The following AGAP1 variants were observed in gnomAD, a reference collection of about 807,000 sequenced individuals.
AGAP1 encodes arf-GAP with GTPase, ANK repeat and PH domain-containing protein 1.
Under a neutral mutation model 105.3 loss-of-function variants are expected in AGAP1, and 29 were observed. The observed-to-expected ratio is 0.28, with a 90% CI of 0.21 to 0.38. The LOEUF is 0.38. Among genes scored for constraint, AGAP1 ranks in the 10% least tolerant of loss-of-function variants. The pLI, the probability that AGAP1 is intolerant of heterozygous loss-of-function variation, is 1.00. For synonymous variants in AGAP1, 509 were observed against 485.9 expected, an observed-to-expected ratio of 1.05 and a Z score of -0.63; for missense variants, 998 against 1,165.1, an observed-to-expected ratio of 0.86 and a Z score of 2.09.
intron 13 of AGAP1, among the ~76,000 whole-genome samples, chr2:236,021,998 G>A (rs950051048): frequency 1.3e-5 from 2 of 149,228 alleles, no homozygotes; most frequent in Admixed American, 6.8e-5. Flanking sequence ...GGTGGAGGTT[G>A]CAGTGAGCCG....
intron 16 of AGAP1, among the ~76,000 whole-genome samples, chr2:236,052,318 C>A (rs1576177751): frequency 6.6e-6 from 1 of 152,126 alleles, no homozygotes; most frequent in East Asian, 1.9e-4. Context: ...CCTGCCCCCA[C>A]CCCCAAACAC....
rs546089177 is a variant in AGAP1, at chr2:235,634,046, G to C, written c.164-75133G>C. Among the ~76,000 whole-genome samples, 163 of 152,276 alleles carry C rather than the reference G, an allele frequency of 1.1e-3. 1 individual carries two copies. The highest frequency in any genetic ancestry group is 1.6e-3 in the Non-Finnish European group (109 of 68,018). On this transcript the variant is annotated intron_variant, in intron 1 of 17. Transcript: ENST00000304032. ...CCCCGCCGCAGAGTTGCAGCCTGGT[G>C]CCCTGATTTTCTAAAGATCTTGGGT... is the stretch of plus-strand genomic sequence containing the variant.
chr2:235,940,442 G>A (rs1331804822), intron 12 of AGAP1, among the ~76,000 whole-genome samples: 1 of 152,182 alleles, frequency 6.6e-6, no homozygotes, highest in Admixed American at 6.5e-5. Flanking sequence ...CAAGGCCCCA[G>A]CTGGTCTGAC....
In AGAP1 at chr2:236,035,592, C is replaced by CA. The variant is rs2057355585; in HGVS notation, c.1646-969_1646-968insA. Among the ~76,000 whole-genome samples the CA allele has an allele frequency of 6.6e-6, 1 of 152,152 alleles. No homozygotes were observed. Among genetic ancestry groups the CA allele is most frequent in the Non-Finnish European group, 1.5e-5 (1 of 68,046 alleles). Reference sequence around the variant, plus strand: ...TGAGCTGTGATTGCACCATGGCACTCCAGCTTGGACAACAAAGTGGGACTC... The same window carrying CA: ...TGAGCTGTGATTGCACCATGGCACTCACAGCTTGGACAACAAAGTGGGACTC... On this transcript the variant is annotated intron_variant, in intron 13 of 17. Transcript: ENST00000304032. This position sits in a 1 kb window ranked among gnomAD's most constrained non-coding sequence, Gnocchi z 4.2.
intron 3 of AGAP1, among the ~76,000 whole-genome samples, chr2:235,730,073 C>T (rs756393562): frequency 3.9e-5 from 6 of 152,092 alleles, no homozygotes; most frequent in Non-Finnish European, 7.4e-5. Context: ...GAAACAAGTA[C>T]CTTATTTACA....
intron 6 of AGAP1, among the ~76,000 whole-genome samples, chr2:235,783,036 GTGTGTGTGTGTGTGTC>G (rs964083959): frequency 4.5e-5 from 4 of 88,658 alleles, no homozygotes; most frequent in Admixed American, 1.7e-4. Context: ...GTGTGTGTGT[GTGTGTGTGTGTGTGTC>G]TAGGTTGCAG....
At chr2:235,998,089 A>T (rs1333493242) in intron 13 of AGAP1, among the ~76,000 whole-genome samples, 1 of 152,230 alleles carries the variant, frequency 6.6e-6, no homozygotes, top group Non-Finnish European at 1.5e-5. Flanking sequence ...AGTTTTGCCA[A>T]GCAAGGATAT....
rs1162757681 is a variant in AGAP1, at chr2:236,045,978, A to G, written c.1892-3081A>G. On this transcript the variant is annotated intron_variant, in intron 15 of 17. Coordinates refer to ENST00000304032, the MANE Select transcript of AGAP1 (RefSeq NM_001037131.3). This position sits in a 1 kb window ranked among gnomAD's most constrained non-coding sequence, Gnocchi z 6.9. Reference sequence around the variant, plus strand: ...TCCGGCACAGGAATGTGTCCCACGCATGAATGTCGTCCTTCAGATCTGGAC... The same window carrying G: ...TCCGGCACAGGAATGTGTCCCACGCGTGAATGTCGTCCTTCAGATCTGGAC... The G allele has an allele frequency of 2.3e-5, 11 of 471,612 alleles. No individual in the cohort carries two copies. The highest frequency in any genetic ancestry group is 4.0e-5 in the Non-Finnish European group (9 of 227,190). 29.2% of individuals were successfully genotyped at this position (471,612 alleles called of 1,614,324 possible).
At chr2:236,064,751 G>C (rs531630811) in intron 16 of AGAP1, among the ~76,000 whole-genome samples, 1 of 152,224 alleles carries the variant, frequency 6.6e-6, no homozygotes, top group African/African-American at 2.4e-5. Flanking sequence ...AAAAGACCTG[G>C]AAGAGCCTCG....
intron 10 of AGAP1, among the ~76,000 whole-genome samples, chr2:235,903,960 G>A (rs1052865377): frequency 1.3e-5 from 2 of 151,798 alleles, no homozygotes; most frequent in African/African-American, 4.8e-5. Flanking sequence ...TTCTCCAAAG[G>A]CAGCCCCACA....
intron 8 of AGAP1, among the ~76,000 whole-genome samples, chr2:235,803,626 C>T (rs935962595): frequency 1.3e-5 from 2 of 152,100 alleles, no homozygotes; most frequent in Non-Finnish European, 2.9e-5. Context: ...TCATTTTTTC[C>T]AATACCATTT....
At position 235,789,308 on chromosome 2, in the gene AGAP1, C is replaced by T. The variant is rs914844587; in HGVS notation, c.674-8451C>T. 2.0e-5 allele frequency among the ~76,000 whole-genome samples: 3 copies of T among 152,186 alleles called. No individual in the cohort carries two copies. The highest frequency in any genetic ancestry group is 4.4e-5 in the Non-Finnish European group (3 of 68,036). ...CATTCTAAAATTCTGAAATTAACGT[C>T]AGCAGCCTTGACTTTGCTCTGTCCT... is the stretch of plus-strand genomic sequence containing the variant. On this transcript the variant is annotated intron_variant, in intron 6 of 17. Transcript: ENST00000304032. This position sits in a 1 kb window ranked among gnomAD's most constrained non-coding sequence, Gnocchi z 4.2.
rs1273474980 is a variant in AGAP1, at chr2:235,883,953, T to G, written c.1155+504T>G. On this transcript the variant is annotated intron_variant, in intron 10 of 17. Coordinates refer to ENST00000304032, the MANE Select transcript of AGAP1 (RefSeq NM_001037131.3). The surrounding 1 kb of genome is among the most constrained non-coding windows in gnomAD (Gnocchi z 4.5). ...CCTCTTTGTGTTATATGTAAGTTTA[T>G]GTTACATATAAGTTTGTTATATCCG... Among the ~76,000 whole-genome samples, 1 of 152,234 alleles carries G rather than the reference T, an allele frequency of 6.6e-6. No homozygotes were observed. The highest frequency in any genetic ancestry group is 1.5e-5 in the Non-Finnish European group (1 of 68,042).
chr2:236,104,862 T>G lies in AGAP1; in HGVS notation c.2115-15330T>G, dbSNP rs2059445592. On this transcript the variant is annotated intron_variant, in intron 16 of 17. Coordinates refer to ENST00000304032, the MANE Select transcript of AGAP1 (RefSeq NM_001037131.3). This position sits in a 1 kb window ranked among gnomAD's most constrained non-coding sequence, Gnocchi z 4.7. ...AGCAGTGAGCCCAAGTTCATGCCACTGCACTGCAGCCTGGGCTACAGAGCG... is the reference window on the plus strand; with the variant it reads ...AGCAGTGAGCCCAAGTTCATGCCACGGCACTGCAGCCTGGGCTACAGAGCG... Among the ~76,000 whole-genome samples the G allele has an allele frequency of 6.6e-6, 1 of 151,734 alleles. No homozygotes were observed. Among genetic ancestry groups the G allele is most frequent in the African/African-American group, 2.4e-5 (1 of 41,284 alleles).
At position 235,851,609 on chromosome 2, in the gene AGAP1, G is replaced by A. The variant is rs557991838; in HGVS notation, c.1051-31736G>A. Among the ~76,000 whole-genome samples, 12 of 152,222 alleles carry A rather than the reference G, an allele frequency of 7.9e-5. No homozygotes were observed. In the South Asian group the frequency reaches 2.1e-3, roughly 26 times the overall value. ...GCAGCCGGCGAGCGCCAGGATGCCC[G>A]CGGCAGCATACTCTAGGCTTATCTC... On this transcript the variant is annotated intron_variant, in intron 9 of 17. Coordinates refer to ENST00000304032, the MANE Select transcript of AGAP1 (RefSeq NM_001037131.3).
chr2:235,871,653 G>A (rs973253565), intron 9 of AGAP1, among the ~76,000 whole-genome samples: 1 of 152,212 alleles, frequency 6.6e-6, no homozygotes, highest in African/African-American at 2.4e-5. Context: ...TGCTGCATAA[G>A]GATCCACCCT....
In AGAP1 at chr2:236,109,938, A is replaced by G. The variant is rs10177788; in HGVS notation, c.2115-10254A>G. On this transcript the variant is annotated intron_variant, in intron 16 of 17. Coordinates refer to ENST00000304032, the MANE Select transcript of AGAP1 (RefSeq NM_001037131.3). The surrounding 1 kb of genome is among the most constrained non-coding windows in gnomAD (Gnocchi z 5.4). ...GTGTTAAGATGGCCAAAGGGAGAGC[A>G]TGAGAAAATGATGCTGTGGATCCAC... Among the ~76,000 whole-genome samples the G allele has an allele frequency of 0.15, 22,762 of 152,218 alleles. 5,642 individuals are homozygous for G. Among genetic ancestry groups the G allele is most frequent in the African/African-American group, 0.51 (21,336 of 41,512 alleles).
At chr2:235,510,900 G>A (rs899996096) in intron 1 of AGAP1, among the ~76,000 whole-genome samples, 2 of 148,194 alleles carry the variant, frequency 1.3e-5, no homozygotes, top group African/African-American at 2.5e-5. Context: ...AGCAGAGCCA[G>A]TGTGCCTCTC....
rs1444717316 is a variant in AGAP1, at chr2:235,801,206, A to G, written c.957+1684A>G. ...GACTGATCAGACAGACCAAGCTCCCATCCCGGCCTCCGCTGCTGACGGATG... is the reference window on the plus strand; with the variant it reads ...GACTGATCAGACAGACCAAGCTCCCGTCCCGGCCTCCGCTGCTGACGGATG... On this transcript the variant is annotated intron_variant, in intron 8 of 17. Coordinates refer to ENST00000304032, the MANE Select transcript of AGAP1 (RefSeq NM_001037131.3). The surrounding 1 kb of genome is among the most constrained non-coding windows in gnomAD (Gnocchi z 6.0). Among the ~76,000 whole-genome samples, 1 of 152,126 alleles carries G rather than the reference A, an allele frequency of 6.6e-6. No individual in the cohort carries two copies. Among genetic ancestry groups the G allele is most frequent in the East Asian group, 1.9e-4 (1 of 5,156 alleles).
Sources: gnomAD v4.1 joint callset for allele counts (sites outside exome capture counted in the v4.1 genomes callset) on GRCh38, gnomAD v4.1.1 for gene constraint, Gnocchi (gnomAD v3.1) non-coding constraint, MANE v1.5 for transcripts, NCBI Gene and HGNC (gene_info 2026-07-23, HGNC 2026-07-21) for gene names.